The following MAPK10 variants were observed in gnomAD, a reference collection of about 807,000 sequenced individuals.
MAPK10 encodes the protein JNK3 alpha protein kinase.
A neutral mutation model predicts 59.3 loss-of-function variants in MAPK10; 25 were observed. The observed-to-expected ratio is 0.42, with a 90% CI of 0.31 to 0.59. The LOEUF is 0.59. Ranked by LOEUF, MAPK10 falls within the 20% of genes least tolerant of loss-of-function variation. The pLI is 0.15. For missense variants in MAPK10, 351 were observed against 568.9 expected (o/e 0.62, Z 3.90); for synonymous variants, 190 against 200.5 (o/e 0.95, Z 0.44).
intron 2 of MAPK10, among the ~76,000 whole-genome samples, chr4:86,224,217 G>C (rs1024862665): frequency 2.0e-5 from 3 of 152,124 alleles, no homozygotes; most frequent in Non-Finnish European, 4.4e-5. Context: ...TAGACACTAA[G>C]AATACAGAGG....
At chr4:86,054,281 A>G (rs1251334824) in intron 11 of MAPK10, among the ~76,000 whole-genome samples, 7 of 152,188 alleles carry the variant, frequency 4.6e-5, no homozygotes, top group Non-Finnish European at 8.8e-5. Context: ...ATTATAAGTC[A>G]TATAGGGAGT....
chr4:86,335,543 T>TCTTCTC (rs1192523620), intron 2 of MAPK10, among the ~76,000 whole-genome samples: 1 of 152,176 alleles, frequency 6.6e-6, no homozygotes, highest in South Asian at 2.1e-4. Flanking sequence ...CCCTTCTTCT[T>TCTTCTC]CTTCTCTTAC....
At chr4:86,184,071 T>C (rs991025821) in intron 3 of MAPK10, among the ~76,000 whole-genome samples, 2 of 152,112 alleles carry the variant, frequency 1.3e-5, no homozygotes, top group Non-Finnish European at 2.9e-5. Context: ...TTGCAAAAAT[T>C]TTCTCCCATT....
intron 4 of MAPK10, among the ~76,000 whole-genome samples, chr4:86,142,325 A>C (rs1286198997): frequency 1.3e-5 from 2 of 152,234 alleles, no homozygotes; most frequent in Admixed American, 1.3e-4. Flanking sequence ...AAGCCTTGGA[A>C]GTTAAAGAAT....
intron 3 of MAPK10, among the ~76,000 whole-genome samples, chr4:86,170,125 A>G (rs964500533): frequency 3.3e-5 from 5 of 152,162 alleles, no homozygotes; most frequent in African/African-American, 1.2e-4. Context: ...TGTAAAGACC[A>G]TCGAGACTAG....
intron 2 of MAPK10, among the ~76,000 whole-genome samples, chr4:86,336,865 G>T (rs578195904): frequency 1.5e-5 from 2 of 132,734 alleles, no homozygotes; most frequent in Non-Finnish European, 3.0e-5. Context: ...ATCTCAGCTC[G>T]CTGCAAGCTC....
In MAPK10 at chr4:86,017,451, C is replaced by A; in HGVS notation, c.1253-81G>T. On this transcript the variant is annotated intron_variant, in intron 13 of 13. Coordinates refer to ENST00000641462, the MANE Select transcript of MAPK10 (RefSeq NM_138982.4). The surrounding 1 kb of genome is among the most constrained non-coding windows in gnomAD (Gnocchi z 4.4). ...ATGCCATTCAGGATTCAGGGATGGG[C>A]AAATACAATAGGGGATGTCCAGTCC... 6.8e-7 allele frequency: 1 copy of A among 1,476,348 alleles called. No individual in the cohort carries two copies. The allele number at this position is 1,476,348 out of a possible 1,614,324, so 91.5% of individuals were successfully genotyped here. A position where few individuals can be genotyped will look rare whatever the true frequency, so the allele number is the denominator to read the frequency against.
chr4:86,067,883 G>A lies in MAPK10; in HGVS notation c.875C>T (p.Pro292Leu). ...PCPEFMKKLQ[P>L]TVRNYVENRP... ...ATTCTCCACATAGTTTCTTACTGTG[G>A]GTTGCAATTTCTTCATGAATTCTGG... is the stretch of plus-strand genomic sequence containing the variant. The change falls in exon 10 of 14, where the codon CCC (proline) becomes CTC (leucine). Residue 292 changes from proline (P) to leucine (L), a missense_variant. Around this residue, in one of 5 missense-constraint regions of MAPK10, gnomAD observed 76 missense variants for 197.9 expected, o/e 0.38. Transcript: ENST00000641462. The A allele has an allele frequency of 6.2e-7, 1 of 1,613,732 alleles. No homozygotes were observed. Among genetic ancestry groups the A allele is most frequent in the Non-Finnish European group, 8.5e-7 (1 of 1,179,768 alleles).
chr4:86,205,928 C>A (rs1017218234), intron 2 of MAPK10, among the ~76,000 whole-genome samples: 2 of 151,752 alleles, frequency 1.3e-5, no homozygotes, highest in Non-Finnish European at 2.9e-5. Context: ...AAGATGTCTG[C>A]CATCATTGTT....
At chr4:86,441,370 A>G (rs1169690880) in intron 1 of MAPK10, among the ~76,000 whole-genome samples, 1 of 152,202 alleles carries the variant, frequency 6.6e-6, no homozygotes, top group Admixed American at 6.5e-5. Context: ...CATTGAGTTC[A>G]CAGAGTAACT....
chr4:86,529,411 C>T (rs778683119), intron 1 of MAPK10, among the ~76,000 whole-genome samples: 1 of 152,128 alleles, frequency 6.6e-6, no homozygotes, highest in Admixed American at 6.5e-5. Flanking sequence ...TGTCACCGGC[C>T]CCCACCTCCA....
intron 2 of MAPK10, among the ~76,000 whole-genome samples, chr4:86,243,222 A>G (rs747874692): frequency 1.2e-4 from 18 of 152,166 alleles, no homozygotes; most frequent in Admixed American, 3.9e-4. Flanking sequence ...AGCTGCTTCT[A>G]GTAAGCCATC....
intron 2 of MAPK10, among the ~76,000 whole-genome samples, chr4:86,282,885 C>A (rs1332213825): frequency 2.6e-5 from 4 of 152,110 alleles, no homozygotes; most frequent in Non-Finnish European, 2.9e-5. Context: ...TCCTGCTTAT[C>A]ATTAAGACAC....
intron 1 of MAPK10, among the ~76,000 whole-genome samples, chr4:86,576,335 G>T (rs1761885383): frequency 1.3e-5 from 2 of 152,156 alleles, no homozygotes; most frequent in Admixed American, 1.3e-4. Flanking sequence ...TAGAGGTTTA[G>T]CATCTGATTA....
intron 1 of MAPK10, chr4:86,356,589 G>A (rs578134114): frequency 2.6e-5 from 7 of 267,150 alleles, no homozygotes; most frequent in South Asian, 1.4e-4. Flanking sequence ...TGCCTTGATC[G>A]GTTCATGAGG....
At chr4:86,367,108 A>G (rs1738022916) in intron 1 of MAPK10, among the ~76,000 whole-genome samples, 1 of 152,208 alleles carries the variant, frequency 6.6e-6, no homozygotes, top group Non-Finnish European at 1.5e-5. Flanking sequence ...TGATGTCATT[A>G]AAGAAGTGTC....
intron 2 of MAPK10, among the ~76,000 whole-genome samples, chr4:86,275,781 C>A (rs1166795767): frequency 1.3e-5 from 2 of 152,036 alleles, no homozygotes; most frequent in Non-Finnish European, 2.9e-5. Flanking sequence ...AGTTAAAAAA[C>A]CACCTCTTTC....
intron 1 of MAPK10, among the ~76,000 whole-genome samples, chr4:86,502,275 G>C (rs369652296): frequency 5.9e-5 from 9 of 151,924 alleles, no homozygotes; most frequent in African/African-American, 1.9e-4. Context: ...AATTAAAATG[G>C]GAAGAATACC....
chr4:86,286,895 A>G (rs1432643299), intron 2 of MAPK10, among the ~76,000 whole-genome samples: 1 of 152,206 alleles, frequency 6.6e-6, no homozygotes, highest in Non-Finnish European at 1.5e-5. Flanking sequence ...TTAAGGCTGA[A>G]CCAAAGGGAT....
Sources: gnomAD v4.1 joint callset for allele counts (sites outside exome capture counted in the v4.1 genomes callset) on GRCh38, gnomAD v4.1.1 for gene constraint, gnomAD v4.1.1 regional missense constraint, Gnocchi (gnomAD v3.1) non-coding constraint, MANE v1.5 for transcripts, NCBI Gene and HGNC (gene_info 2026-07-23, HGNC 2026-07-21) for gene names.